NDUFB2: variants seen among roughly 807,000 people sequenced by gnomAD.
NDUFB2 encodes NADH:ubiquinone oxidoreductase subunit B2.
In NDUFB2, 13 loss-of-function variants were observed where a neutral mutation model predicts 13.4. That is an observed-to-expected ratio of 0.97 (90% confidence interval 0.63 to 1.54). The LOEUF is 1.54. NDUFB2 is among the 40% of genes most tolerant of loss of function. The probability of loss-of-function intolerance (pLI) is 0.00; values close to 1 mark genes in which losing one functional copy is unlikely to be tolerated. For synonymous variants in NDUFB2, 47 were observed against 50.6 expected, an observed-to-expected ratio of 0.93 and a Z score of 0.30; for missense variants, 150 against 139.7, an observed-to-expected ratio of 1.07 and a Z score of -0.37.
intron 1 of NDUFB2, 154 bp from the exon 2 acceptor site, chr7:140,702,712 A>G (rs1794913286): frequency 1.1e-6 from 1 of 875,340 alleles, no homozygotes; most frequent in Non-Finnish European, 1.7e-6. Context: ...CTTAGTAAAA[A>G]GTGAGTATTT....
chr7:140,702,692 A>T, intron 1 of NDUFB2, 174 bp from the exon 2 acceptor site: 1 of 762,706 alleles, frequency 1.3e-6, no homozygotes, highest in Non-Finnish European at 2.0e-6. Context: ...GCTGCTACAC[A>T]TGAAGCAAGC....
intron 2 of NDUFB2, among the ~76,000 whole-genome samples, chr7:140,703,381 T>G (rs1425337779): frequency 6.6e-6 from 1 of 150,656 alleles, no homozygotes; most frequent in Non-Finnish European, 1.5e-5. Flanking sequence ...TTCAAGTGAC[T>G]CTGGTGCCTC....
intron 2 of NDUFB2, among the ~76,000 whole-genome samples, chr7:140,703,586 C>A (rs984092699): frequency 6.6e-6 from 1 of 150,562 alleles, no homozygotes; most frequent in Non-Finnish European, 1.5e-5. Flanking sequence ...GAAATGAATT[C>A]TTTTACCTTC....
intron 1 of NDUFB2, 133 bp downstream of exon 1, chr7:140,696,975 G>A (rs1000636390): frequency 1.2e-6 from 1 of 802,030 alleles, no homozygotes; most frequent in Admixed American, 2.5e-5. Flanking sequence ...TAGTCCGCGT[G>A]TCTCCTGAAG....
chr7:140,702,947 C>A lies in NDUFB2; in HGVS notation c.180C>A (p.Phe60Leu), dbSNP rs750933571. 2 of 1,613,988 alleles carry A rather than the reference C, an allele frequency of 1.2e-6. No individual in the cohort carries two copies. The highest frequency in any genetic ancestry group is 2.2e-5 in the South Asian group (2 of 91,076). Residue 60 changes from phenylalanine to leucine, a missense_variant, in exon 2 of 4, where the codon TTC (phenylalanine) becomes TTA (leucine). By Grantham distance (22) the Phe-to-Leu change is conservative. Coordinates refer to ENST00000247866, the MANE Select transcript of NDUFB2 (RefSeq NM_004546.3). The stretch of plus-strand genomic sequence containing the variant: ...GATCCCAGGTGTTCCAGAGCGAGTT[C>A]TTCAGCGGACTCATGTGGTTCTGGA... ...LTRSQVFQSEFFSGLMWFWIL... is the reference protein window; with the variant it reads ...LTRSQVFQSELFSGLMWFWIL...
chr7:140,701,661 C>T (rs1300758208), intron 1 of NDUFB2, among the ~76,000 whole-genome samples: 9 of 151,722 alleles, frequency 5.9e-5, no homozygotes, highest in African/African-American at 9.7e-5. Flanking sequence ...CAGCCGGGCA[C>T]GTGGCTCACG....
chr7:140,706,125 A>C (rs1192439063), intron 3 of NDUFB2: 1 of 141,872 alleles, frequency 7.0e-6, no homozygotes, highest in Non-Finnish European at 1.5e-5. Context: ...ACAGGGTCTC[A>C]TTCTGTCATC....
chr7:140,703,992 T>A (rs1001830538), intron 2 of NDUFB2, among the ~76,000 whole-genome samples: 3 of 151,790 alleles, frequency 2.0e-5, no homozygotes, highest in Admixed American at 6.6e-5. Context: ...CCTGACCTCA[T>A]GATCCACCTG....
In NDUFB2 at chr7:140,704,076, T is replaced by C. The variant is rs563820127; in HGVS notation, c.244-784T>C. 3.3e-5 allele frequency among the ~76,000 whole-genome samples: 5 copies of C among 152,336 alleles called. No homozygotes were observed. The East Asian group carries it at 9.6e-4, about 29-fold the overall frequency. On this transcript the variant is annotated intron_variant, in intron 2 of 3. Transcript: ENST00000247866. ...GGCCAGTTTTAGTGATTTTCTAACA[T>C]ATCATTAGCCTCAACTGAGGTTTTA...
At chr7:140,704,760 T>G in intron 2 of NDUFB2, 100 bp from the exon 3 acceptor site, 2 of 829,016 alleles carry the variant, frequency 2.4e-6, no homozygotes, top group Non-Finnish European at 1.8e-6. Context: ...CTGAGCCATA[T>G]TGTTTTTTTT....
chr7:140,698,884 G>A (rs1176817253), intron 1 of NDUFB2, among the ~76,000 whole-genome samples: 2 of 152,166 alleles, frequency 1.3e-5, no homozygotes, highest in Non-Finnish European at 2.9e-5. Context: ...TTGTCCAGGC[G>A]CGGTGGCTCA....
chr7:140,699,074 C>T lies in NDUFB2; in HGVS notation c.98+2232C>T, dbSNP rs1227891350. Reference sequence around the variant, plus strand: ...TGGGGAGGCTGAGGCAGGAGAATTGCTTGAGCCCAGGAGGCAGAGGTTGCA... The same window carrying T: ...TGGGGAGGCTGAGGCAGGAGAATTGTTTGAGCCCAGGAGGCAGAGGTTGCA... On this transcript the variant is annotated intron_variant, in intron 1 of 3. Transcript: ENST00000247866. Among the ~76,000 whole-genome samples, 11 of 152,268 alleles carry T rather than the reference C, an allele frequency of 7.2e-5. No individual in the cohort carries two copies. The East Asian group carries it at 2.1e-3, about 29-fold the overall frequency.
chr7:140,697,398 G>C, intron 1 of NDUFB2: 1 of 702,780 alleles, frequency 1.4e-6, no homozygotes, highest in East Asian at 2.7e-5. Flanking sequence ...TCGGGTGAGA[G>C]GAGCAGAAAG....
Position 140,697,515 on chromosome 7 carries a change from AGGTAGGGAGC to A in NDUFB2, c.98+676_98+685del, listed in dbSNP as rs1794831560. On this transcript the variant is annotated intron_variant, in intron 1 of 3. Transcript: ENST00000247866. ...CGGAGGGCGGAGGGCTGGGGGTGCGAGGTAGGGAGCGGGTGCGAGGTAGGGAGCAGCTGCC... is the reference window on the plus strand; with the variant it reads ...CGGAGGGCGGAGGGCTGGGGGTGCGAGGGTGCGAGGTAGGGAGCAGCTGCC... 12 of 439,446 alleles carry A rather than the reference AGGTAGGGAGC, an allele frequency of 2.7e-5. No individual in the cohort carries two copies. In the African/African-American group the frequency reaches 1.5e-3, roughly 56 times the overall value. The allele number at this position is 439,446 out of a possible 1,614,324, so 27.2% of individuals were successfully genotyped here.
chr7:140,702,115 GAAATTGGT>G lies in NDUFB2; in HGVS notation c.99-747_99-740del, dbSNP rs1794906324. On this transcript the variant is annotated intron_variant, in intron 1 of 3. Coordinates refer to ENST00000247866, the MANE Select transcript of NDUFB2 (RefSeq NM_004546.3). Reference sequence around the variant, plus strand: ...TTTACAAGCTGATTCTTATCTAGATGAAATTGGTAAACATATTTTATATAGGAATTCTC... The same window carrying G: ...TTTACAAGCTGATTCTTATCTAGATGAAACATATTTTATATAGGAATTCTC... 4.4e-6 allele frequency: 3 copies of G among 678,924 alleles called. No individual in the cohort carries two copies. In the East Asian group the frequency reaches 8.2e-5, roughly 18 times the overall value. 42.1% of individuals were successfully genotyped at this position (678,924 alleles called of 1,614,324 possible). A position where few individuals can be genotyped will look rare whatever the true frequency, so the allele number is the denominator to read the frequency against.
intron 1 of NDUFB2, among the ~76,000 whole-genome samples, chr7:140,701,454 CA>C (rs1311807618): frequency 6.6e-6 from 1 of 151,744 alleles, no homozygotes; most frequent in Non-Finnish European, 1.5e-5. Context: ...CCTGTCTCTA[CA>C]AAAAAAATAT....
chr7:140,697,221 G>A, intron 1 of NDUFB2: 1 of 657,348 alleles, frequency 1.5e-6, no homozygotes, highest in East Asian at 2.7e-5. Context: ...GGGCGGCGGC[G>A]GTGAGGCCTA....
At chr7:140,697,931 C>G in intron 1 of NDUFB2, 1 of 1,200,552 alleles carries the variant, frequency 8.3e-7, no homozygotes, top group Non-Finnish European at 1.1e-6. Context: ...AACTCCTGGG[C>G]TCAAGTGATT....
chr7:140,697,059 G>C (rs1794819264), intron 1 of NDUFB2: 5 of 598,050 alleles, frequency 8.4e-6, no homozygotes, highest in Non-Finnish European at 1.5e-5. Flanking sequence ...GGGACACCGT[G>C]TGCAGGGCCG....
Sources: gnomAD v4.1 joint callset for allele counts (sites outside exome capture counted in the v4.1 genomes callset) on GRCh38, gnomAD v4.1.1 for gene constraint, MANE v1.5 for transcripts, NCBI Gene and HGNC (gene_info 2026-07-23, HGNC 2026-07-21) for gene names.